GAN: variants seen among roughly 807,000 people sequenced by gnomAD.
The protein encoded by GAN is gigaxonin.
In GAN, 48 loss-of-function variants were observed where a neutral mutation model predicts 71.3. The observed-to-expected ratio is 0.67, with a 90% CI of 0.53 to 0.86. The LOEUF (loss-of-function observed/expected upper bound fraction) is 0.86. Among genes scored for constraint, GAN ranks in the 40% least tolerant of loss-of-function variants. The pLI, the probability that GAN is intolerant of heterozygous loss-of-function variation, is 0.00. For missense variants in GAN, 928 were observed against 770.1 expected, an observed-to-expected ratio of 1.21 and a Z score of -2.43; for synonymous variants, 386 against 276.8, an observed-to-expected ratio of 1.39 and a Z score of -3.92.
At chr16:81,329,352 G>A (rs926110829) in intron 1 of GAN, among the ~76,000 whole-genome samples, 2 of 152,032 alleles carry the variant, frequency 1.3e-5, no homozygotes, top group Admixed American at 6.6e-5. Flanking sequence ...CTGGGTTGCC[G>A]CCCTCAAATG....
chr16:81,333,700 G>C (rs1459680567), intron 1 of GAN, among the ~76,000 whole-genome samples: 13 of 152,206 alleles, frequency 8.5e-5, no homozygotes, highest in Admixed American at 8.5e-4. Flanking sequence ...CTACCAACTA[G>C]TTGAGATCTT....
At chr16:81,367,585 A>C (rs781442210) in intron 9 of GAN, among the ~76,000 whole-genome samples, 1 of 152,212 alleles carries the variant, frequency 6.6e-6, no homozygotes, top group East Asian at 1.9e-4. Flanking sequence ...CCTTATTTCT[A>C]AGCTCTCTGA....
intron 1 of GAN, among the ~76,000 whole-genome samples, chr16:81,328,742 A>T (rs898021845): frequency 6.7e-6 from 1 of 150,140 alleles, no homozygotes; most frequent in Non-Finnish European, 1.5e-5. Flanking sequence ...TCGTTACTTC[A>T]CTTATCTGTT....
intron 1 of GAN, among the ~76,000 whole-genome samples, chr16:81,349,682 C>A (rs1189921012): frequency 1.3e-5 from 2 of 152,050 alleles, no homozygotes; most frequent in Non-Finnish European, 2.9e-5. Flanking sequence ...ATATTATTTC[C>A]TGTTCTGTTT....
intron 1 of GAN, among the ~76,000 whole-genome samples, chr16:81,335,291 T>G (rs1909717847): frequency 6.6e-6 from 1 of 152,056 alleles, no homozygotes; most frequent in South Asian, 2.1e-4. Flanking sequence ...CTGAACATTC[T>G]GAGAAGGTCG....
intron 7 of GAN, among the ~76,000 whole-genome samples, chr16:81,364,478 G>T (rs1910783640): frequency 6.6e-6 from 1 of 152,132 alleles, no homozygotes; most frequent in Admixed American, 6.5e-5. Context: ...TGTTGCCCCG[G>T]CTGGTCTTGA....
intron 1 of GAN, among the ~76,000 whole-genome samples, chr16:81,344,019 C>G (rs936918234): frequency 2.4e-4 from 36 of 152,120 alleles, no homozygotes; most frequent in Admixed American, 2.0e-4. Flanking sequence ...ACAATTGCTA[C>G]TAAGAGAATA....
In GAN at chr16:81,389,434, G is replaced by A. The variant is rs1904499831; in HGVS notation, c.*11838G>A. 1 of 152,220 alleles carries A rather than the reference G, an allele frequency of 6.6e-6. No individual in the cohort carries two copies. Among genetic ancestry groups the A allele is most frequent in the South Asian group, 2.1e-4 (1 of 4,818 alleles). 9.4% of individuals were successfully genotyped at this position (152,220 alleles called of 1,614,324 possible). On this transcript the variant is annotated 3_prime_UTR_variant, in exon 11 of 11. Coordinates refer to ENST00000648994, the MANE Select transcript of GAN (RefSeq NM_022041.4). ...ATCTTTGCAGCCACTGTTGGGGTGTGTACCAGCAGCCTGGAAGTGACCAGC... is the reference window on the plus strand; with the variant it reads ...ATCTTTGCAGCCACTGTTGGGGTGTATACCAGCAGCCTGGAAGTGACCAGC...
Position 81,357,791 on chromosome 16 carries a change from C to G in GAN, c.852-19C>G. The G allele has an allele frequency of 6.2e-7, 1 of 1,608,646 alleles. No individual in the cohort carries two copies. On this transcript the variant is annotated intron_variant, in intron 4 of 10. Coordinates refer to ENST00000648994, the MANE Select transcript of GAN (RefSeq NM_022041.4). ...TGTATGAAGCACATTAACTACTGATCACTTATTTACTTCCTTAGTTCACGG... is the reference window on the plus strand; with the variant it reads ...TGTATGAAGCACATTAACTACTGATGACTTATTTACTTCCTTAGTTCACGG...
At chr16:81,345,991 G>T (rs970116980) in intron 1 of GAN, among the ~76,000 whole-genome samples, 2 of 152,158 alleles carry the variant, frequency 1.3e-5, no homozygotes, top group South Asian at 2.1e-4. Context: ...TGCCACATGC[G>T]CAAGCAAGTA....
rs143754801 is a variant in GAN, at chr16:81,366,972, A to G, written c.1502+1494A>G. Among the ~76,000 whole-genome samples, 879 of 152,126 alleles carry G rather than the reference A, an allele frequency of 5.8e-3. 1 individual carries two copies. Among genetic ancestry groups the G allele is most frequent in the Non-Finnish European group, 8.9e-3 (606 of 67,976 alleles). On this transcript the variant is annotated intron_variant, in intron 9 of 10. Transcript: ENST00000648994. ...CCCAAGTAGCTGGGACTACAGGCGC[A>G]TGCCACCATGCCTGGCTAATTTTTG...
chr16:81,366,522 C>T (rs1037972), intron 9 of GAN, among the ~76,000 whole-genome samples: 103,797 of 152,112 alleles, frequency 0.68, 35,659 homozygotes, highest in East Asian at 0.87. Context: ...TTCAGTCGTG[C>T]TACCAGAAGA....
chr16:81,355,934 T>C (rs923851160), intron 3 of GAN, among the ~76,000 whole-genome samples: 1 of 152,208 alleles, frequency 6.6e-6, no homozygotes, highest in Admixed American at 6.5e-5. Flanking sequence ...GTGTTCTGCT[T>C]TCCATGTTAG....
At chr16:81,361,099 C>T (rs919202400) in intron 5 of GAN, among the ~76,000 whole-genome samples, 1 of 152,112 alleles carries the variant, frequency 6.6e-6, no homozygotes, top group Non-Finnish European at 1.5e-5. Context: ...GTGGCATGTG[C>T]CTGTAATCCC....
chr16:81,318,198 T>G (rs1462337299), intron 1 of GAN, among the ~76,000 whole-genome samples: 1 of 152,258 alleles, frequency 6.6e-6, no homozygotes, highest in African/African-American at 2.4e-5. Flanking sequence ...GTTTCTTATC[T>G]TTCCCTTTTG....
At chr16:81,353,097 C>T (rs1242633592) in intron 2 of GAN, among the ~76,000 whole-genome samples, 1 of 152,098 alleles carries the variant, frequency 6.6e-6, no homozygotes, top group Non-Finnish European at 1.5e-5. Flanking sequence ...CGAGACCATC[C>T]TGGCTAACAC....
At chr16:81,370,818 A>AT (rs1163230666) in intron 9 of GAN, among the ~76,000 whole-genome samples, 18 of 152,302 alleles carry the variant, frequency 1.2e-4, no homozygotes, top group African/African-American at 4.3e-4. Context: ...ACTCATCTAT[A>AT]TTACTTCCAT....
rs1187776643 is a variant in GAN, at chr16:81,386,541, T to C, written c.*8945T>C. Reference sequence around the variant, plus strand: ...ATCCTTCTATGGTATCATACACTTCTTTTCCTGGTTAGGTTATGAGACTGG... The same window carrying C: ...ATCCTTCTATGGTATCATACACTTCCTTTCCTGGTTAGGTTATGAGACTGG... On this transcript the variant is annotated 3_prime_UTR_variant, in exon 11 of 11. Coordinates refer to ENST00000648994, the MANE Select transcript of GAN (RefSeq NM_022041.4). 1.3e-5 allele frequency: 2 copies of C among 152,282 alleles called. No individual in the cohort carries two copies. Among genetic ancestry groups the C allele is most frequent in the East Asian group, 3.8e-4 (2 of 5,202 alleles). 9.4% of individuals were successfully genotyped at this position (152,282 alleles called of 1,614,324 possible). A position where few individuals can be genotyped will look rare whatever the true frequency, so the allele number is the denominator to read the frequency against.
At chr16:81,365,302 C>A (rs372771036) in intron 8 of GAN, 48 bp from the exon 9 acceptor site, 2 of 1,612,906 alleles carry the variant, frequency 1.2e-6, no homozygotes, top group East Asian at 2.2e-5. Context: ...GGAGTGAGAT[C>A]TCGCATTGTA....
Sources: allele counts gnomAD v4.1 joint callset (sites outside exome capture counted in the v4.1 genomes callset), GRCh38; gene constraint gnomAD v4.1.1; transcripts MANE v1.5; gene names NCBI Gene and HGNC (gene_info 2026-07-23, HGNC 2026-07-21).